LRRTM4: variants seen among roughly 807,000 people sequenced by gnomAD.
The protein encoded by LRRTM4 is leucine-rich repeat transmembrane neuronal protein 4.
In LRRTM4, 25 loss-of-function variants were observed where a neutral mutation model predicts 47.6. The ratio of observed to expected loss-of-function variants is 0.53; its 90% CI spans 0.38 to 0.73. The LOEUF is 0.73. LRRTM4 is among the 30% of genes least tolerant of loss of function. LRRTM4 has a pLI of 0.00. For missense variants in LRRTM4, 638 were observed against 713.4 expected, an observed-to-expected ratio of 0.89 and a Z score of 1.20; for synonymous variants, 311 against 269.5, an observed-to-expected ratio of 1.15 and a Z score of -1.51.
At chr2:76,878,926 T>G (rs1573246957) in intron 3 of LRRTM4, among the ~76,000 whole-genome samples, 2 of 152,130 alleles carry the variant, frequency 1.3e-5, no homozygotes, top group African/African-American at 4.8e-5. Flanking sequence ...GAAATTTTAG[T>G]GGCCTGGATA....
chr2:77,488,557 C>T (rs576853278), intron 3 of LRRTM4, among the ~76,000 whole-genome samples: 26 of 152,234 alleles, frequency 1.7e-4, no homozygotes, highest in South Asian at 6.2e-4. Flanking sequence ...AAGGTGACAC[C>T]CAAGGATCCC....
intron 3 of LRRTM4, among the ~76,000 whole-genome samples, chr2:77,446,168 T>A (rs564127215): frequency 1.4e-4 from 21 of 152,214 alleles, no homozygotes; most frequent in African/African-American, 4.8e-4. Context: ...ATCTGTTTAT[T>A]TTAGTAAATA....
In LRRTM4 at chr2:77,495,726, A is replaced by G. The variant is rs1015324304; in HGVS notation, c.1551+22592T>C. ...GGGTTATTTTTGGATTCTCTGTTTC[A>G]TTGATCTGCTTGTCTGTCTTAATGT... On this transcript the variant is annotated intron_variant, in intron 3 of 3. Transcript: ENST00000409884. Among the ~76,000 whole-genome samples the G allele has an allele frequency of 5.3e-5, 8 of 152,110 alleles. No individual in the cohort carries two copies. The South Asian group carries it at 1.7e-3, about 31-fold the overall frequency.
chr2:77,216,170 G>A (rs765763972), intron 3 of LRRTM4, among the ~76,000 whole-genome samples: 1 of 152,150 alleles, frequency 6.6e-6, no homozygotes, highest in Non-Finnish European at 1.5e-5. Context: ...CAAAAGGGTA[G>A]TAAAAATCTT....
At chr2:77,078,385 CACA>C (rs1558566648) in intron 3 of LRRTM4, among the ~76,000 whole-genome samples, 1,209 of 98,548 alleles carry the variant, frequency 0.012, 18 homozygotes, top group African/African-American at 0.075. Flanking sequence ...CACACCCACA[CACA>C]CACACACACA....
intron 3 of LRRTM4, among the ~76,000 whole-genome samples, chr2:76,850,820 T>C (rs1300979243): frequency 6.6e-6 from 1 of 152,158 alleles, no homozygotes; most frequent in African/African-American, 2.4e-5. Flanking sequence ...AAAATAAGAT[T>C]TGTGAATCCT....
At chr2:76,987,413 C>G (rs1001020626) in intron 3 of LRRTM4, 2 of 151,796 alleles carry the variant, frequency 1.3e-5, no homozygotes, top group Non-Finnish European at 2.9e-5. Flanking sequence ...TAGGTGATGT[C>G]TAGAGCAGTG....
intron 3 of LRRTM4, among the ~76,000 whole-genome samples, chr2:76,951,111 T>C (rs1037642616): frequency 1.2e-4 from 13 of 109,404 alleles, no homozygotes; most frequent in African/African-American, 3.6e-4. Context: ...AGTCAAATGA[T>C]AGATTGGCTG....
At chr2:77,291,666 G>C (rs1007594708) in intron 3 of LRRTM4, among the ~76,000 whole-genome samples, 2 of 151,962 alleles carry the variant, frequency 1.3e-5, no homozygotes, top group African/African-American at 4.8e-5. Context: ...ATTGTATTTA[G>C]TGACCATTAT....
At chr2:76,798,057 C>A (rs909178081) in intron 3 of LRRTM4, among the ~76,000 whole-genome samples, 2 of 150,282 alleles carry the variant, frequency 1.3e-5, no homozygotes, top group African/African-American at 2.5e-5. Flanking sequence ...AGAAAGTCAA[C>A]AAGGATACCC....
intron 3 of LRRTM4, among the ~76,000 whole-genome samples, chr2:77,124,737 G>A (rs758963556): frequency 1.2e-4 from 18 of 152,062 alleles, no homozygotes; most frequent in Non-Finnish European, 2.1e-4. Flanking sequence ...GATGTGCGTC[G>A]CGTGTTTTCC....
At chr2:77,475,054 A>T (rs1677332829) in intron 3 of LRRTM4, among the ~76,000 whole-genome samples, 1 of 152,096 alleles carries the variant, frequency 6.6e-6, no homozygotes, top group African/African-American at 2.4e-5. Flanking sequence ...GACTTTTTGA[A>T]AATCAGACAA....
intron 3 of LRRTM4, among the ~76,000 whole-genome samples, chr2:76,797,615 A>C (rs995898547): frequency 1.6e-4 from 24 of 151,646 alleles, no homozygotes; most frequent in Admixed American, 3.3e-4. Flanking sequence ...ACACATAACA[A>C]TATTAACTTT....
chr2:77,237,269 G>T (rs1339828279), intron 3 of LRRTM4, among the ~76,000 whole-genome samples: 1 of 151,516 alleles, frequency 6.6e-6, no homozygotes, highest in Non-Finnish European at 1.5e-5. Flanking sequence ...TTCACGCTTG[G>T]GAGATTGTGT....
intron 3 of LRRTM4, among the ~76,000 whole-genome samples, chr2:76,872,943 C>T (rs1672668381): frequency 6.6e-6 from 1 of 152,112 alleles, no homozygotes; most frequent in Admixed American, 6.6e-5. Flanking sequence ...GGCTCCTTTT[C>T]ACTTTCCACT....
intron 3 of LRRTM4, among the ~76,000 whole-genome samples, chr2:77,352,678 T>C (rs964452829): frequency 6.6e-6 from 1 of 152,130 alleles, no homozygotes; most frequent in Non-Finnish European, 1.5e-5. Context: ...ACAATTTCAT[T>C]TTCCAAACCA....
chr2:77,111,555 G>A (rs1393170483), intron 3 of LRRTM4, among the ~76,000 whole-genome samples: 1 of 152,092 alleles, frequency 6.6e-6, no homozygotes. Context: ...ACACTGTTAT[G>A]AGTAGGGTGA....
intron 3 of LRRTM4, among the ~76,000 whole-genome samples, chr2:77,041,605 T>C (rs72924990): frequency 0.02 from 2,976 of 151,492 alleles, 109 homozygotes; most frequent in African/African-American, 0.068. Flanking sequence ...CCATTCTAGC[T>C]AGAGTGAGAT....
intron 3 of LRRTM4, among the ~76,000 whole-genome samples, chr2:77,222,507 A>T (rs1674666809): frequency 1.3e-5 from 2 of 152,210 alleles, no homozygotes; most frequent in Admixed American, 6.5e-5. Context: ...AGATGCAATA[A>T]AATATGACAA....
Sources: allele counts gnomAD v4.1 joint callset (sites outside exome capture counted in the v4.1 genomes callset), GRCh38; gene constraint gnomAD v4.1.1; transcripts MANE v1.5; gene names NCBI Gene and HGNC (gene_info 2026-07-23, HGNC 2026-07-21).